Variants in PCDH9 observed in about 807,000 individuals in gnomAD.
The protein encoded by PCDH9 is protocadherin 9.
Under a neutral mutation model 70.6 loss-of-function variants are expected in PCDH9, and 24 were observed. That is an observed-to-expected ratio of 0.34 (90% CI 0.25 to 0.48). The LOEUF (loss-of-function observed/expected upper bound fraction) is 0.48, where lower values mean the gene tolerates loss of function less well. Ranked by LOEUF, PCDH9 falls within the 20% of genes least tolerant of loss-of-function variation. The pLI is 0.99. For synonymous variants in PCDH9, 562 were observed against 558.5 expected, an observed-to-expected ratio of 1.01 and a Z score of -0.09; for missense variants, 1,281 against 1,503.6, an observed-to-expected ratio of 0.85 and a Z score of 2.45.
At chr13:66,811,301 G>A (rs2080500960) in intron 3 of PCDH9, among the ~76,000 whole-genome samples, 1 of 152,090 alleles carries the variant, frequency 6.6e-6, no homozygotes, top group Non-Finnish European at 1.5e-5. Flanking sequence ...TTGGCACATG[G>A]CCCAAAACCG....
In PCDH9 at chr13:66,694,226, GA is replaced by G. The variant is rs571860095; in HGVS notation, c.3139-62816del. Among the ~76,000 whole-genome samples, 150 of 152,312 alleles carry G rather than the reference GA, an allele frequency of 9.8e-4. 3 individuals carry two copies. The highest frequency in any genetic ancestry group is 3.4e-3 in the African/African-American group (141 of 41,568). On this transcript the variant is annotated intron_variant, in intron 3 of 4. Transcript: ENST00000377865. ...AATCTTGTATGTAATGTGATTTGAAGAAATGCATTAACAAAAGTATAAACAC... is the reference window on the plus strand; with the variant it reads ...AATCTTGTATGTAATGTGATTTGAAGAATGCATTAACAAAAGTATAAACAC...
intron 3 of PCDH9, among the ~76,000 whole-genome samples, chr13:66,828,810 A>AAAAAAAAAAAAATAAAATAAT (rs71207607): frequency 4.7e-5 from 7 of 148,608 alleles, no homozygotes; most frequent in African/African-American, 1.7e-4. Context: ...GCCATACATA[A>AAAAAAAAAAAAATAAAATAAT]AATAATAATA....
At chr13:66,910,607 T>C (rs975272842) in intron 2 of PCDH9, among the ~76,000 whole-genome samples, 3 of 152,186 alleles carry the variant, frequency 2.0e-5, no homozygotes, top group Admixed American at 2.0e-4. Context: ...ATTCAGTAAG[T>C]GGATTAAGCT....
chr13:66,563,355 A>T (rs1248261597), intron 4 of PCDH9, among the ~76,000 whole-genome samples: 2 of 152,154 alleles, frequency 1.3e-5, no homozygotes, highest in South Asian at 4.2e-4. Flanking sequence ...TTTTGCCTCC[A>T]AAATAGATCC....
chr13:66,856,186 TTC>T (rs1174893435), intron 3 of PCDH9, among the ~76,000 whole-genome samples: 3 of 152,036 alleles, frequency 2.0e-5, no homozygotes. Flanking sequence ...TCTTGGTAAT[TTC>T]TCACACATTG....
intron 3 of PCDH9, among the ~76,000 whole-genome samples, chr13:66,670,863 G>C (rs1200244475): frequency 7.4e-6 from 1 of 134,504 alleles, no homozygotes; most frequent in Non-Finnish European, 1.5e-5. Flanking sequence ...ATTAAGTAAA[G>C]ATGAGATCAT....
intron 4 of PCDH9, among the ~76,000 whole-genome samples, chr13:66,357,913 T>C (rs1332595472): frequency 6.8e-6 from 1 of 147,192 alleles, no homozygotes; most frequent in African/African-American, 2.5e-5. Flanking sequence ...CTTTTCTCAA[T>C]ATCCTTCAAT....
chr13:67,221,821 T>A (rs1279891613), intron 2 of PCDH9: 1 of 152,050 alleles, frequency 6.6e-6, no homozygotes, highest in Admixed American at 6.6e-5. Context: ...TGTCAATAAG[T>A]GGGCTGAGAG....
intron 4 of PCDH9, among the ~76,000 whole-genome samples, chr13:66,617,265 G>C (rs940722870): frequency 5.3e-5 from 8 of 152,114 alleles, no homozygotes; most frequent in African/African-American, 1.7e-4. Context: ...GATGGAAAGA[G>C]GGCACTCTTC....
intron 3 of PCDH9, among the ~76,000 whole-genome samples, chr13:66,757,131 C>A (rs2079549741): frequency 6.6e-6 from 1 of 152,188 alleles, no homozygotes; most frequent in South Asian, 2.1e-4. Context: ...GCCACCAACA[C>A]CCCAGCCTCA....
chr13:66,938,542 C>G (rs1750354138), intron 2 of PCDH9, among the ~76,000 whole-genome samples: 1 of 152,168 alleles, frequency 6.6e-6, no homozygotes, highest in Non-Finnish European at 1.5e-5. Flanking sequence ...AATCAAAAAG[C>G]AATCTTTATA....
chr13:66,478,717 C>T (rs897615871), intron 4 of PCDH9, among the ~76,000 whole-genome samples: 2 of 151,982 alleles, frequency 1.3e-5, no homozygotes, highest in East Asian at 1.9e-4. Context: ...GGTGATAAGC[C>T]GCAAAAGAAA....
At chr13:66,401,744 C>T (rs999633813) in intron 4 of PCDH9, among the ~76,000 whole-genome samples, 6 of 146,488 alleles carry the variant, frequency 4.1e-5, no homozygotes, top group African/African-American at 1.5e-4. Context: ...ATCTGGATTG[C>T]ATACCCTGCA....
chr13:66,910,080 C>T (rs1169443069), intron 2 of PCDH9, among the ~76,000 whole-genome samples: 1 of 152,086 alleles, frequency 6.6e-6, no homozygotes, highest in African/African-American at 2.4e-5. Context: ...TAGAGATACC[C>T]TTTTGTCTTC....
chr13:66,794,874 T>C (rs2139326633), intron 3 of PCDH9, among the ~76,000 whole-genome samples: 1 of 152,062 alleles, frequency 6.6e-6, no homozygotes, highest in South Asian at 2.1e-4. Context: ...ATAGTATCTT[T>C]AATAAATAAA....
intron 4 of PCDH9, among the ~76,000 whole-genome samples, chr13:66,319,734 C>A (rs1433842026): frequency 6.6e-6 from 1 of 151,936 alleles, no homozygotes; most frequent in Non-Finnish European, 1.5e-5. Context: ...GCCAGGACAC[C>A]AGAGAATGAA....
intron 2 of PCDH9, among the ~76,000 whole-genome samples, chr13:67,181,284 C>G (rs1017118863): frequency 6.6e-6 from 1 of 151,958 alleles, no homozygotes; most frequent in Non-Finnish European, 1.5e-5. Flanking sequence ...TTTCAACTTT[C>G]TACTTAAAGC....
At chr13:66,306,734 C>G (rs1439316478) in intron 4 of PCDH9, among the ~76,000 whole-genome samples, 2 of 151,848 alleles carry the variant, frequency 1.3e-5, no homozygotes, top group South Asian at 2.1e-4. Context: ...TGTTTAAACA[C>G]ATATTCATTA....
At chr13:66,632,204 T>A (rs558271706) in intron 3 of PCDH9, among the ~76,000 whole-genome samples, 14 of 152,310 alleles carry the variant, frequency 9.2e-5, no homozygotes, top group African/African-American at 3.4e-4. Flanking sequence ...CCACCTGCTA[T>A]TTTTAAAGGA....
Sources: gnomAD v4.1 joint callset for allele counts (sites outside exome capture counted in the v4.1 genomes callset) on GRCh38, gnomAD v4.1.1 for gene constraint, MANE v1.5 for transcripts, NCBI Gene and HGNC (gene_info 2026-07-23, HGNC 2026-07-21) for gene names.